SNAP47: variants seen among roughly 807,000 people sequenced by gnomAD.
SNAP47 encodes the protein synaptosomal-associated protein 47.
Under a neutral mutation model 31.4 loss-of-function variants are expected in SNAP47, and 20 were observed. The ratio of observed to expected loss-of-function variants is 0.64; its 90% CI spans 0.45 to 0.93. SNAP47 has a LOEUF of 0.93. Ranked by LOEUF, SNAP47 falls within the 40% of genes least tolerant of loss-of-function variation. The pLI is 0.00. For synonymous variants in SNAP47, 194 were observed against 213.4 expected, an observed-to-expected ratio of 0.91 and a Z score of 0.79; for missense variants, 492 against 528.5, an observed-to-expected ratio of 0.93 and a Z score of 0.68.
intron 3 of SNAP47, among the ~76,000 whole-genome samples, chr1:227,761,996 C>T (rs534119894): frequency 2.8e-4 from 43 of 152,170 alleles, no homozygotes; most frequent in Non-Finnish European, 8.8e-5. Context: ...CCTCCCTGCT[C>T]GGCTAGGAGG....
At chr1:227,757,923 T>TC (rs1336052653) in intron 2 of SNAP47, among the ~76,000 whole-genome samples, 1 of 151,862 alleles carries the variant, frequency 6.6e-6, no homozygotes, top group Non-Finnish European at 1.5e-5. Flanking sequence ...CCTCCTTCTC[T>TC]CCCCCCAGCA....
In SNAP47 at chr1:227,767,005, A is replaced by G; in HGVS notation, c.1035A>G (p.Gly345=). 1 of 1,614,002 alleles carries G rather than the reference A, an allele frequency of 6.2e-7. No individual in the cohort carries two copies. Among genetic ancestry groups the G allele is most frequent in the Admixed American group, 1.7e-5 (1 of 60,028 alleles). Residue 345 remains glycine (G), a synonymous_variant, in exon 4 of 5, where the codon GGA becomes GGG. Coordinates refer to ENST00000617596, the MANE Select transcript of SNAP47 (RefSeq NM_053052.4). ...GRTLHREPPA[G]DQEGTALHLQ... ...CCCTGCACCGTGAGCCACCCGCAGG[A>G]GACCAGGAGGGCACAGCACTGCACC...
At chr1:227,733,170 A>T, upstream of SNAP47, 1 of 1,010,718 alleles carries the variant, frequency 9.9e-7, no homozygotes, top group Non-Finnish European at 1.4e-6. Context: ...GGGCTTGCTC[A>T]GCAGGGAAGT....
At chr1:227,735,160 G>A (rs770074505), upstream of SNAP47, 6 of 1,581,048 alleles carry the variant, frequency 3.8e-6, no homozygotes, top group Non-Finnish European at 4.3e-6. Flanking sequence ...CGTAGGAGAA[G>A]GCGCCCGGCT....
chr1:227,746,961 T>C (rs553731715), intron 1 of SNAP47: 14 of 152,374 alleles, frequency 9.2e-5, no homozygotes, highest in African/African-American at 3.4e-4. Flanking sequence ...GCATGTTCCA[T>C]GAGGATTCGT....
chr1:227,748,888 T>A (rs1411112358), intron 2 of SNAP47, among the ~76,000 whole-genome samples: 1 of 152,244 alleles, frequency 6.6e-6, no homozygotes, highest in African/African-American at 2.4e-5. Flanking sequence ...TTCTTCAGTT[T>A]GTTTAAGAAT....
chr1:227,731,492 T>C (rs904752583), upstream of SNAP47: 4 of 151,916 alleles, frequency 2.6e-5, no homozygotes, highest in African/African-American at 9.7e-5. Flanking sequence ...GCTGGGAGAG[T>C]GCCAGTCTCC....
intron 2 of SNAP47, among the ~76,000 whole-genome samples, chr1:227,752,824 A>G (rs923216179): frequency 2.7e-5 from 4 of 150,806 alleles, no homozygotes; most frequent in African/African-American, 9.6e-5. Context: ...CACCCTTGTG[A>G]AACCTGCAGA....
chr1:227,735,213 G>C (rs1198421326), upstream of SNAP47: 2 of 1,588,830 alleles, frequency 1.3e-6, no homozygotes, highest in Non-Finnish European at 1.7e-6. Context: ...CCGACGCCGG[G>C]GACATCGACC....
At chr1:227,745,977 T>A (rs917922294) in intron 1 of SNAP47, 7 of 152,268 alleles carry the variant, frequency 4.6e-5, no homozygotes, top group Admixed American at 3.9e-4. Flanking sequence ...CTGTCTAGGC[T>A]TCCAGCGGGA....
chr1:227,757,057 T>TG (rs79612462), intron 2 of SNAP47, among the ~76,000 whole-genome samples: 15,927 of 152,264 alleles, frequency 0.1, 887 homozygotes, highest in Middle Eastern at 0.21. Flanking sequence ...CCTTAGTCTC[T>TG]CTAGGAATTG....
chr1:227,738,516 G>A (rs890508259), intron 1 of SNAP47, among the ~76,000 whole-genome samples: 5 of 151,974 alleles, frequency 3.3e-5, no homozygotes, highest in African/African-American at 9.7e-5. Flanking sequence ...TTTCTCCATC[G>A]TGTATAATAT....
chr1:227,753,713 T>C (rs1662520532), intron 2 of SNAP47, among the ~76,000 whole-genome samples: 1 of 152,088 alleles, frequency 6.6e-6, no homozygotes, highest in African/African-American at 2.4e-5. Flanking sequence ...ATGGTGGTTC[T>C]GAAATAGGAA....
intron 2 of SNAP47, 112 bp from the exon 3 acceptor site, chr1:227,758,883 A>T: frequency 7.7e-7 from 1 of 1,306,898 alleles, no homozygotes; most frequent in Non-Finnish European, 1.0e-6. Flanking sequence ...GAAATGAAGT[A>T]GAGTAAAATG....
At chr1:227,729,230 C>A (rs1208583757) in intron 1 of SNAP47, among the ~76,000 whole-genome samples, 3 of 152,152 alleles carry the variant, frequency 2.0e-5, no homozygotes, top group African/African-American at 7.2e-5. Flanking sequence ...TGGGGTCAGA[C>A]CCCAGGCAGG....
upstream of SNAP47, chr1:227,732,647 G>GT (rs762169057): frequency 2.0e-5 from 32 of 1,613,176 alleles, no homozygotes; most frequent in Non-Finnish European, 2.6e-5. Context: ...ACTCTTCAAA[G>GT]TTGATGCCCG....
intron 1 of SNAP47, chr1:227,735,810 G>T: frequency 2.5e-6 from 2 of 808,952 alleles, no homozygotes; most frequent in Non-Finnish European, 3.0e-6. Flanking sequence ...GGAGATGGTG[G>T]GGACCTGGAG....
Position 227,747,928 on chromosome 1 carries a change from C to A in SNAP47, c.192C>A (p.Ile64=). Residue 64 remains isoleucine (I), a synonymous_variant, in exon 2 of 5, where the codon ATC becomes ATA. Coordinates refer to ENST00000617596, the MANE Select transcript of SNAP47 (RefSeq NM_053052.4). ...VEIKKEASHF[I]FSSITILEKG... ...TCAAGAAGGAGGCTTCACATTTTAT[C>A]TTCAGCTCCATCACCATCCTGGAGA... 6.2e-7 allele frequency: 1 copy of A among 1,614,224 alleles called. No individual in the cohort carries two copies. The highest frequency in any genetic ancestry group is 8.5e-7 in the Non-Finnish European group (1 of 1,180,036).
intron 1 of SNAP47, among the ~76,000 whole-genome samples, chr1:227,735,977 G>A (rs1661121085): frequency 1.3e-5 from 2 of 151,648 alleles, no homozygotes; most frequent in African/African-American, 4.9e-5. Context: ...TGGAGAGGAC[G>A]GTGGCACTTG....
Sources: gnomAD v4.1 joint callset for allele counts (sites outside exome capture counted in the v4.1 genomes callset) on GRCh38, gnomAD v4.1.1 for gene constraint, MANE v1.5 for transcripts, NCBI Gene and HGNC (gene_info 2026-07-23, HGNC 2026-07-21) for gene names.